Variants in TMEM154 observed in about 807,000 individuals in gnomAD.
TMEM154 encodes the protein transmembrane protein 154.
A neutral mutation model predicts 24.5 loss-of-function variants in TMEM154; 27 were observed. That is an observed-to-expected ratio of 1.10 (90% CI 0.81 to 1.52). The LOEUF (loss-of-function observed/expected upper bound fraction) is 1.52, where lower values mean the gene tolerates loss of function less well. Among genes scored for constraint, TMEM154 ranks in the 40% most tolerant of loss-of-function variants. The pLI, the probability that TMEM154 is intolerant of heterozygous loss-of-function variation, is 0.00. For missense variants in TMEM154, 228 were observed against 213.4 expected (o/e 1.07, Z -0.43); for synonymous variants, 67 against 76.8 (o/e 0.87, Z 0.67).
At chr4:152,666,599 A>G (rs1181939610) in intron 1 of TMEM154, 6 of 152,252 alleles carry the variant, frequency 3.9e-5, no homozygotes. Context: ...GGTATGAGCC[A>G]CCAAGTCCTA....
chr4:152,640,349 T>G (rs1232793824), intron 6 of TMEM154, among the ~76,000 whole-genome samples: 1 of 152,092 alleles, frequency 6.6e-6, no homozygotes, highest in East Asian at 1.9e-4. Context: ...ACAAAACAGT[T>G]CTCTAATCAA....
intron 1 of TMEM154, among the ~76,000 whole-genome samples, chr4:152,657,042 GA>G (rs1465554038): frequency 6.6e-6 from 1 of 150,442 alleles, no homozygotes; most frequent in African/African-American, 2.5e-5. Context: ...AAATACACTT[GA>G]AAGCTTCAAC....
At position 152,625,675 on chromosome 4, in the gene TMEM154, C is replaced by G. The variant is rs1372514513; in HGVS notation, c.*2871G>C. 6.9e-6 allele frequency: 1 copy of G among 145,436 alleles called. No individual in the cohort carries two copies. Among genetic ancestry groups the G allele is most frequent in the Non-Finnish European group, 1.5e-5 (1 of 66,764 alleles). The allele number at this position is 145,436 out of a possible 1,614,324, so 9.0% of individuals were successfully genotyped here. A position where few individuals can be genotyped will look rare whatever the true frequency, so the allele number is the denominator to read the frequency against. ...CTCTAACCTGGGTGACAGAGTGAGA[C>G]TCCATCTCAAAAAAAAAAAAAAAAA... is the stretch of plus-strand genomic sequence containing the variant. On this transcript the variant is annotated 3_prime_UTR_variant, in exon 7 of 7. Coordinates refer to ENST00000304385, the MANE Select transcript of TMEM154 (RefSeq NM_152680.3).
intron 1 of TMEM154, among the ~76,000 whole-genome samples, chr4:152,678,097 G>T (rs775203807): frequency 2.2e-4 from 34 of 152,162 alleles, no homozygotes; most frequent in Non-Finnish European, 4.1e-4. Context: ...GTAGGAAAAA[G>T]AATGTATTCA....
At chr4:152,640,828 TA>T (rs1392406257) in intron 6 of TMEM154, 99 bp downstream of exon 6, 1 of 979,580 alleles carries the variant, frequency 1.0e-6, no homozygotes, top group East Asian at 2.5e-5. Flanking sequence ...TCATACGAAT[TA>T]TAGGCACGGA....
chr4:152,629,270 C>T (rs549549027), intron 6 of TMEM154, among the ~76,000 whole-genome samples: 4 of 152,310 alleles, frequency 2.6e-5, no homozygotes, highest in East Asian at 1.9e-4. Flanking sequence ...TTCCACATGC[C>T]GTTTTCTCTC....
At position 152,646,154 on chromosome 4, in the gene TMEM154, G is replaced by T. The variant is rs554700668; in HGVS notation, c.365-1712C>A. Among the ~76,000 whole-genome samples, 10 of 152,030 alleles carry T rather than the reference G, an allele frequency of 6.6e-5. No homozygotes were observed. The South Asian group carries it at 2.1e-3, about 32-fold the overall frequency. On this transcript the variant is annotated intron_variant, in intron 3 of 6. Transcript: ENST00000304385. ...CTTTTCCCCTGCTGAATAAACCCCT[G>T]ACTATTTTCCCAGACAGCAAGTGGC...
At chr4:152,648,338 G>A (rs1262622804) in intron 3 of TMEM154, among the ~76,000 whole-genome samples, 2 of 152,094 alleles carry the variant, frequency 1.3e-5, no homozygotes, top group African/African-American at 4.8e-5. Context: ...TTTTAAAAAT[G>A]TCAAAAACTA....
rs190612570 is a variant in TMEM154, at chr4:152,650,213, T to G, written c.364+2325A>C. Reference sequence around the variant, plus strand: ...TCTCTGTAGCATACAATGCTTTGTTTGATAGCATTTTATCTGCAATAGAAT... The same window carrying G: ...TCTCTGTAGCATACAATGCTTTGTTGGATAGCATTTTATCTGCAATAGAAT... On this transcript the variant is annotated intron_variant, in intron 3 of 6. Transcript: ENST00000304385. Among the ~76,000 whole-genome samples, 4 of 152,364 alleles carry G rather than the reference T, an allele frequency of 2.6e-5. No homozygotes were observed. In the East Asian group the frequency reaches 7.7e-4, roughly 29 times the overall value.
intron 3 of TMEM154, among the ~76,000 whole-genome samples, chr4:152,648,588 C>A (rs944731000): frequency 1.3e-5 from 2 of 152,328 alleles, no homozygotes; most frequent in Middle Eastern, 6.8e-3. Context: ...GAAATGGTAT[C>A]AACCAGGCAT....
At chr4:152,628,613 A>ACC in intron 6 of TMEM154, 52 bp from the exon 7 acceptor site, 1 of 1,106,004 alleles carries the variant, frequency 9.0e-7, no homozygotes, top group Non-Finnish European at 1.2e-6. Context: ...ACACACACAC[A>ACC]CACAAAACAG....
At chr4:152,657,741 C>G (rs910711261) in intron 1 of TMEM154, among the ~76,000 whole-genome samples, 1 of 152,102 alleles carries the variant, frequency 6.6e-6, no homozygotes. Context: ...TATAAAGGAA[C>G]CCCTATCAGA....
At chr4:152,646,187 C>G (rs946210543) in intron 3 of TMEM154, among the ~76,000 whole-genome samples, 1 of 152,098 alleles carries the variant, frequency 6.6e-6, no homozygotes, top group African/African-American at 2.4e-5. Flanking sequence ...GGCTGCATGG[C>G]CCCACCGTTG....
At chr4:152,666,580 A>G (rs1728727393) in intron 1 of TMEM154, 1 of 152,216 alleles carries the variant, frequency 6.6e-6, no homozygotes, top group Non-Finnish European at 1.5e-5. Context: ...TCAAAGTGCC[A>G]GGATTACAGG....
intron 1 of TMEM154, among the ~76,000 whole-genome samples, chr4:152,661,102 G>A (rs1451795520): frequency 6.6e-6 from 1 of 152,106 alleles, no homozygotes; most frequent in Non-Finnish European, 1.5e-5. Context: ...ACTTTTCAGC[G>A]TGAGACAACG....
At chr4:152,663,486 C>T (rs779094681) in intron 1 of TMEM154, among the ~76,000 whole-genome samples, 8 of 152,310 alleles carry the variant, frequency 5.3e-5, no homozygotes, top group East Asian at 1.9e-4. Flanking sequence ...GTCAGTCTTG[C>T]GTGGCTTCAT....
At chr4:152,639,449 G>T (rs1445781660) in intron 6 of TMEM154, among the ~76,000 whole-genome samples, 1 of 152,170 alleles carries the variant, frequency 6.6e-6, no homozygotes, top group Non-Finnish European at 1.5e-5. Context: ...GTAGTGATCT[G>T]AGCCCTATAC....
chr4:152,672,564 C>G (rs532195580), intron 1 of TMEM154, among the ~76,000 whole-genome samples: 23 of 152,248 alleles, frequency 1.5e-4, no homozygotes, highest in African/African-American at 5.3e-4. Flanking sequence ...AAATCTGTAC[C>G]TGACACAGTA....
intron 1 of TMEM154, among the ~76,000 whole-genome samples, chr4:152,657,146 G>T: frequency 6.8e-6 from 1 of 147,210 alleles, no homozygotes; most frequent in East Asian, 2.0e-4. Context: ...AAAAAAGAAT[G>T]AGAAAAGCCT....
Sources: gnomAD v4.1 joint callset for allele counts (sites outside exome capture counted in the v4.1 genomes callset) on GRCh38, gnomAD v4.1.1 for gene constraint, MANE v1.5 for transcripts, NCBI Gene and HGNC (gene_info 2026-07-23, HGNC 2026-07-21) for gene names.